ADAMTS2: variants seen among roughly 807,000 people sequenced by gnomAD.
The protein encoded by ADAMTS2 is ADAM metallopeptidase with thrombospondin type 1 motif 2.
ADAMTS2 carries 50 observed loss-of-function variants against 123.0 expected under a neutral mutation model. The ratio of observed to expected loss-of-function variants is 0.41; its 90% confidence interval spans 0.32 to 0.51. The LOEUF is 0.51. Among genes scored for constraint, ADAMTS2 ranks in the 20% least tolerant of loss-of-function variants. ADAMTS2 has a pLI of 0.35. For missense variants in ADAMTS2, 1,494 were observed against 1,705.2 expected (o/e 0.88, Z 2.18); for synonymous variants, 678 against 695.4 (o/e 0.98, Z 0.39).
intron 4 of ADAMTS2, among the ~76,000 whole-genome samples, chr5:179,193,198 G>A (rs1483604641): frequency 6.6e-6 from 1 of 152,170 alleles, no homozygotes; most frequent in African/African-American, 2.4e-5. Flanking sequence ...GCAAGCAGGT[G>A]GCCCCCATGA....
chr5:179,274,076 A>C (rs2113515548), intron 2 of ADAMTS2, among the ~76,000 whole-genome samples: 2 of 114,794 alleles, frequency 1.7e-5, no homozygotes, highest in Admixed American at 1.0e-4. Context: ...AGACCCCCTC[A>C]CCTCTCCTGC....
chr5:179,333,952 C>T (rs1233004750), intron 2 of ADAMTS2, among the ~76,000 whole-genome samples: 1 of 152,118 alleles, frequency 6.6e-6, no homozygotes. Flanking sequence ...TCTAGAAGCA[C>T]ATGGGATAAC....
rs1056283849 is a variant in ADAMTS2 at position 179,159,866 on chromosome 5, C to T, written c.976-987G>A. ...AAACTTCCTCCTTAAATAAGACATA[C>T]ACAATATCATTTCAAAAGCAAGGCT... On this transcript the variant is annotated intron_variant, in intron 5 of 21. Coordinates refer to ENST00000251582, the MANE Select transcript of ADAMTS2 (RefSeq NM_014244.5). 3.9e-5 allele frequency among the ~76,000 whole-genome samples: 6 copies of T among 152,170 alleles called. No individual in the cohort carries two copies. In the South Asian group the frequency reaches 1.2e-3, roughly 32 times the overall value.
rs994380255 is a variant in ADAMTS2 at position 179,180,163 on chromosome 5, C to T, written c.975+909G>A. On this transcript the variant is annotated intron_variant, in intron 5 of 21. Coordinates refer to ENST00000251582, the MANE Select transcript of ADAMTS2 (RefSeq NM_014244.5). This position sits in a 1 kb window ranked among gnomAD's most constrained non-coding sequence, Gnocchi z 4.6. ...CAAAGTGCTTCCCACACGGCTGGTA[C>T]AGGCACTTTGCAGTCTACACGGGCC... is the stretch of plus-strand genomic sequence containing the variant. Among the ~76,000 whole-genome samples the T allele has an allele frequency of 1.3e-5, 2 of 152,192 alleles. No individual in the cohort carries two copies. The highest frequency in any genetic ancestry group is 4.8e-5 in the African/African-American group (2 of 41,440).
At position 179,132,215 on chromosome 5, in the gene ADAMTS2, G is replaced by A. The variant is rs764259203; in HGVS notation, c.2290+15C>T. On this transcript the variant is annotated intron_variant, in intron 15 of 21. Transcript: ENST00000251582. This position sits in a 1 kb window ranked among gnomAD's most constrained non-coding sequence, Gnocchi z 6.1. ...AGGTCCTGAGGACGTCAAGTTGTCC[G>A]GCTCTGAGACTCACCCAGATGGTGG... 41 of 1,613,058 alleles carry A rather than the reference G, an allele frequency of 2.5e-5. No individual in the cohort carries two copies. Among genetic ancestry groups the A allele is most frequent in the South Asian group, 2.4e-4 (22 of 91,044 alleles).
rs908907833 is a variant in ADAMTS2, at chr5:179,202,296, C to G, written c.891+5217G>C. ...GCCTTGGCGCCGCCTGCCCCCTCCCCCAAACCTGGAACAGGCGATCCCTAT... is the reference window on the plus strand; with the variant it reads ...GCCTTGGCGCCGCCTGCCCCCTCCCGCAAACCTGGAACAGGCGATCCCTAT... On this transcript the variant is annotated intron_variant, in intron 4 of 21. Coordinates refer to ENST00000251582, the MANE Select transcript of ADAMTS2 (RefSeq NM_014244.5). The surrounding 1 kb of genome is among the most constrained non-coding windows in gnomAD (Gnocchi z 4.0). 3.9e-5 allele frequency among the ~76,000 whole-genome samples: 6 copies of G among 152,114 alleles called. No individual in the cohort carries two copies. The highest frequency in any genetic ancestry group is 8.8e-5 in the Non-Finnish European group (6 of 68,034).
intron 13 of ADAMTS2, among the ~76,000 whole-genome samples, chr5:179,135,337 T>G (rs904582107): frequency 6.6e-6 from 1 of 152,130 alleles, no homozygotes; most frequent in Non-Finnish European, 1.5e-5. Flanking sequence ...TCCGGTTGTT[T>G]TCGGGGGAGC....
chr5:179,308,417 C>T lies in ADAMTS2; in HGVS notation c.534+35350G>A, dbSNP rs1038653822. Among the ~76,000 whole-genome samples the T allele has an allele frequency of 1.4e-4, 21 of 152,242 alleles. No individual in the cohort carries two copies. Among genetic ancestry groups the T allele is most frequent in the African/African-American group, 4.8e-4 (20 of 41,556 alleles). ...CACGCACGCCAGCTGGAAGGGGAGC[C>T]GCGCAGCCCCTGGGCAGGCTGAGGA... On this transcript the variant is annotated intron_variant, in intron 2 of 21. Transcript: ENST00000251582. This position sits in a 1 kb window ranked among gnomAD's most constrained non-coding sequence, Gnocchi z 6.6.
At chr5:179,133,412 T>G (rs1762999699) in intron 13 of ADAMTS2, among the ~76,000 whole-genome samples, 1 of 151,398 alleles carries the variant, frequency 6.6e-6, no homozygotes, top group Admixed American at 6.6e-5. Context: ...GGATTACAGG[T>G]GCCCACCACC....
At chr5:179,176,514 C>A (rs757696566) in intron 5 of ADAMTS2, among the ~76,000 whole-genome samples, 4 of 152,206 alleles carry the variant, frequency 2.6e-5, no homozygotes, top group Admixed American at 6.5e-5. Context: ...CCATCATCTA[C>A]CCAGCTGAGA....
chr5:179,217,878 C>CA (rs11448842), intron 3 of ADAMTS2, among the ~76,000 whole-genome samples: 5,338 of 78,926 alleles, frequency 0.068, 316 homozygotes, highest in African/African-American at 0.14. Context: ...TGAGGGCAGA[C>CA]GGCACACTCA....
At position 179,190,876 on chromosome 5, in the gene ADAMTS2, T is replaced by C. The variant is rs555856996; in HGVS notation, c.892-9721A>G. Among the ~76,000 whole-genome samples, 13 of 152,358 alleles carry C rather than the reference T, an allele frequency of 8.5e-5. No individual in the cohort carries two copies. The East Asian group carries it at 1.9e-3, about 23-fold the overall frequency. The stretch of plus-strand genomic sequence containing the variant: ...CCATCACCATCGGGAGAGGTCTGAG[T>C]GAACAGCTTGCACATGCCCCTGTGT... On this transcript the variant is annotated intron_variant, in intron 4 of 21. Coordinates refer to ENST00000251582, the MANE Select transcript of ADAMTS2 (RefSeq NM_014244.5).
chr5:179,157,349 C>A (rs1251659268), intron 6 of ADAMTS2, among the ~76,000 whole-genome samples: 1 of 152,118 alleles, frequency 6.6e-6, no homozygotes, highest in Non-Finnish European at 1.5e-5. Context: ...GTGCCCTCCC[C>A]AAGACAAAAC....
intron 6 of ADAMTS2, among the ~76,000 whole-genome samples, chr5:179,156,337 T>C (rs1354102506): frequency 6.6e-6 from 1 of 151,846 alleles, no homozygotes; most frequent in East Asian, 1.9e-4. Context: ...GAGATGGCCT[T>C]GACTTTTTAT....
intron 4 of ADAMTS2, among the ~76,000 whole-genome samples, chr5:179,193,404 C>T (rs1764351164): frequency 6.6e-6 from 1 of 152,184 alleles, no homozygotes; most frequent in South Asian, 2.1e-4. Context: ...GAAGCCGAGG[C>T]ACAGAGAGAT....
At chr5:179,148,674 T>C (rs897073358) in intron 10 of ADAMTS2, among the ~76,000 whole-genome samples, 1 of 152,206 alleles carries the variant, frequency 6.6e-6, no homozygotes, top group Non-Finnish European at 1.5e-5. Flanking sequence ...CTGGTCCTCC[T>C]CGCTCGGGCA....
chr5:179,323,302 C>T (rs1581275685), intron 2 of ADAMTS2, among the ~76,000 whole-genome samples: 1 of 152,364 alleles, frequency 6.6e-6, no homozygotes. Flanking sequence ...GCCCCAGGGG[C>T]AGCAGTCCAG....
chr5:179,313,935 A>G (rs1756901176), intron 2 of ADAMTS2, among the ~76,000 whole-genome samples: 1 of 118,996 alleles, frequency 8.4e-6, no homozygotes, highest in South Asian at 2.7e-4. Context: ...GGGTGTCAGC[A>G]GAGGGGACGC....
At chr5:179,299,803 T>C (rs543317875) in intron 2 of ADAMTS2, among the ~76,000 whole-genome samples, 1 of 152,082 alleles carries the variant, frequency 6.6e-6, no homozygotes, top group Non-Finnish European at 1.5e-5. Context: ...CATCTTCTAC[T>C]TTTATGAATC....
Sources: gnomAD v4.1 joint callset for allele counts (sites outside exome capture counted in the v4.1 genomes callset) on GRCh38, gnomAD v4.1.1 for gene constraint, Gnocchi (gnomAD v3.1) non-coding constraint, MANE v1.5 for transcripts, NCBI Gene and HGNC (gene_info 2026-07-23, HGNC 2026-07-21) for gene names.